The following TRMT2B variants were observed in gnomAD, a reference collection of about 807,000 sequenced individuals.
The protein encoded by TRMT2B is tRNA (uracil-5-)-methyltransferase homolog B.
In TRMT2B, 34 loss-of-function variants were observed where a neutral mutation model predicts 39.7. That is an observed-to-expected ratio of 0.86 (90% CI 0.65 to 1.14). TRMT2B has a LOEUF of 1.14. Ranked by LOEUF, TRMT2B falls within the 50% of genes most tolerant of loss-of-function variation. The probability of loss-of-function intolerance (pLI) is 0.00; values close to 1 mark genes in which losing one functional copy is unlikely to be tolerated. For missense variants in TRMT2B, 318 were observed against 377.2 expected (o/e 0.84, Z 1.30); for synonymous variants, 132 against 137.3 (o/e 0.96, Z 0.27).
intron 7 of TRMT2B, among the ~76,000 whole-genome samples, chrX:101,032,981 C>A (rs62602400): frequency 0.2 from 22,188 of 109,923 alleles, 1,812 homozygotes; most frequent in African/African-American, 0.25. Context: ...GGCGGCCAGG[C>A]ACGGTGGCTC....
the TRMT2B span, chrX:100,985,804 C>T: frequency 8.3e-7 from 1 of 1,211,640 alleles, no homozygotes; most frequent in Non-Finnish European, 1.1e-6. Context: ...TGCACAGGCC[C>T]ATGGGCTTGT....
Position 101,037,918 on chromosome X carries a change from G to A in TRMT2B, c.437C>T (p.Ser146Phe). Reference protein sequence around the residue: ...LSCLLHPIIPSPVINGYRNKS... With the variant: ...LSCLLHPIIPFPVINGYRNKS... ...AGGAATAGGGAGGTGGGGGCTTACA[G>A]AGGGTATAATAGGATGGAGAAGACA... is the stretch of plus-strand genomic sequence containing the variant. Residue 146 changes from serine (S) to phenylalanine (F), a missense_variant and splice_region_variant, in exon 5 of 14, where the codon TCT becomes TTT. By Grantham distance (155) the Ser-to-Phe change is radical. Transcript: ENST00000372936. 8.3e-7 allele frequency: 1 copy of A among 1,209,687 alleles called. No individual in the cohort carries two copies. The highest frequency in any genetic ancestry group is 3.0e-5 in the East Asian group (1 of 33,762).
At chrX:101,042,422 A>G in intron 2 of TRMT2B, 110 bp from the exon 3 acceptor site, 1 of 821,925 alleles carries the variant, frequency 1.2e-6, no homozygotes, top group Non-Finnish European at 1.7e-6. Context: ...GAATGCTGGC[A>G]CACAGCAGAC....
Position 101,051,407 on chromosome X carries a change from C to G in TRMT2B, c.-180G>C. The G allele has an allele frequency of 4.0e-6, 3 of 754,556 alleles. No homozygotes were observed. The highest frequency in any genetic ancestry group is 4.7e-6 in the Non-Finnish European group (3 of 639,460). 62.2% of individuals were successfully genotyped at this position (754,556 alleles called of 1,213,427 possible). A position where few individuals can be genotyped will look rare whatever the true frequency, so the allele number is the denominator to read the frequency against. ...AAATGGGTTGACTGCTGTGTCGTGT[C>G]CCGAATGCAGCCCACAGGCAGTCAG... On this transcript the variant is annotated 5_prime_UTR_variant, in exon 2 of 14. Transcript: ENST00000372936.
chrX:101,024,923 G>C (rs2086988483), intron 7 of TRMT2B, among the ~76,000 whole-genome samples: 1 of 109,127 alleles, frequency 9.2e-6, no homozygotes, highest in Admixed American at 9.9e-5. Context: ...CCTGAGCCCA[G>C]GTGGTCAAGG....
In TRMT2B at chrX:101,037,278, C is replaced by G. The variant is rs1602635622; in HGVS notation, c.439-205G>C. 7.3e-6 allele frequency: 3 copies of G among 413,016 alleles called. No individual in the cohort carries two copies. In the East Asian group the frequency reaches 1.2e-4, roughly 17 times the overall value. The allele number at this position is 413,016 out of a possible 1,213,427, so 34.0% of individuals were successfully genotyped here. ...AATCTTGCCATAAAGCAGGAGTCAA[C>G]AAACTACTTATGTCAAGAGCCAAAG... On this transcript the variant is annotated intron_variant, in intron 5 of 13. Transcript: ENST00000372936.
intron 7 of TRMT2B, among the ~76,000 whole-genome samples, chrX:101,026,120 T>C (rs2087069390): frequency 9.0e-6 from 1 of 110,929 alleles, no homozygotes; most frequent in Admixed American, 9.7e-5. Context: ...AAATTCTGAC[T>C]AGTTCAACTG....
intron 13 of TRMT2B, among the ~76,000 whole-genome samples, chrX:101,015,895 C>T (rs1242743840): frequency 1.8e-5 from 2 of 110,731 alleles, no homozygotes; most frequent in Non-Finnish European, 3.8e-5. Flanking sequence ...CATGGTGAAA[C>T]CCTGTCTCTA....
At chrX:101,037,651 A>T in intron 5 of TRMT2B, 2 of 278,029 alleles carry the variant, frequency 7.2e-6, no homozygotes, top group Non-Finnish European at 1.3e-5. Context: ...TCTCTATCAG[A>T]TAGACCTGAG....
At chrX:101,003,230 A>C in the TRMT2B span, among the ~76,000 whole-genome samples, 1 of 109,749 alleles carries the variant, frequency 9.1e-6, no homozygotes, top group Non-Finnish European at 1.9e-5. Context: ...TAAATTAAAA[A>C]ATTAAAAAAT....
intron 13 of TRMT2B, among the ~76,000 whole-genome samples, chrX:101,011,612 G>A (rs1245157433): frequency 9.0e-6 from 1 of 111,055 alleles, no homozygotes; most frequent in Non-Finnish European, 1.9e-5. Context: ...ATAAAATAAG[G>A]TCCGGGCATG....
intron 2 of TRMT2B, among the ~76,000 whole-genome samples, chrX:101,044,860 A>AAAG (rs2088522424): frequency 1.9e-5 from 2 of 105,193 alleles, no homozygotes; most frequent in Non-Finnish European, 3.9e-5. Flanking sequence ...AAAAAAAAAA[A>AAAG]ACCCTACAAA....
chrX:101,036,999 C>T lies in TRMT2B; in HGVS notation c.513G>A (p.Val171=). The change falls in exon 6 of 14, where the codon GTG becomes GTA. Residue 171 remains valine, a synonymous_variant. Transcript: ENST00000372936. ...CTCTCCAAGTTCCCAGGTAGAACCC[C>T]ACAGTCTTTGGATTGCCATCTGGAC... is the stretch of plus-strand genomic sequence containing the variant. The part of the protein sequence containing the change: ...NRGPDGNPKT[V]GFYLGTWRDG... 8.3e-7 allele frequency: 1 copy of T among 1,211,025 alleles called. No homozygotes were observed. Among genetic ancestry groups the T allele is most frequent in the Non-Finnish European group, 1.1e-6 (1 of 894,863 alleles).
chrX:100,997,711 T>C, the TRMT2B span, among the ~76,000 whole-genome samples: 1 of 112,042 alleles, frequency 8.9e-6, no homozygotes, highest in Non-Finnish European at 1.9e-5. Context: ...ACATTAGCAC[T>C]TCTCGCAGTA....
downstream of TRMT2B, among the ~76,000 whole-genome samples, chrX:101,006,889 A>T (rs770079663): frequency 8.9e-5 from 10 of 111,749 alleles, no homozygotes; most frequent in Non-Finnish European, 1.5e-4. Flanking sequence ...AGGTACATAC[A>T]CTGGTTTTTT....
chrX:101,048,119 C>T (rs1298615175), intron 2 of TRMT2B, among the ~76,000 whole-genome samples: 1 of 66,122 alleles, frequency 1.5e-5, no homozygotes, highest in African/African-American at 6.9e-5. Context: ...CACATACACA[C>T]ACACACACAC....
At chrX:101,015,183 A>G (rs781449702) in intron 13 of TRMT2B, among the ~76,000 whole-genome samples, 1 of 111,639 alleles carries the variant, frequency 9.0e-6, no homozygotes, top group East Asian at 2.8e-4. Context: ...GAGTATTTCA[A>G]CTTTTCCTGT....
chrX:101,010,620 G>A lies in TRMT2B; in HGVS notation c.1476C>T (p.His492=), dbSNP rs1374607708. ...QQAVPVDLFP[H]TPHCELVLLF... ...GGAGCACCAGCTCACAATGTGGGGT[G>A]TGAGGGAACAAATCCACAGGTACAG... Residue 492 remains histidine (H), a synonymous_variant, in exon 14 of 14, where the codon CAC becomes CAT. Coordinates refer to ENST00000372936, the MANE Select transcript of TRMT2B (RefSeq NM_024917.6). 2 of 1,211,445 alleles carry A rather than the reference G, an allele frequency of 1.7e-6. No homozygotes were observed. Among genetic ancestry groups the A allele is most frequent in the South Asian group, 1.8e-5 (1 of 56,975 alleles).
rs979072697 is a variant in TRMT2B, at chrX:101,028,401, G to C, written c.610-4785C>G. On this transcript the variant is annotated intron_variant, in intron 7 of 13. Transcript: ENST00000372936. Reference sequence around the variant, plus strand: ...CCCAAAGTGCTGGAATTACAGGCGTGAGCCACTGCGCCCAGCCACTTCTCT... The same window carrying C: ...CCCAAAGTGCTGGAATTACAGGCGTCAGCCACTGCGCCCAGCCACTTCTCT... Among the ~76,000 whole-genome samples the C allele has an allele frequency of 2.7e-5, 3 of 110,993 alleles. No homozygotes were observed. The Admixed American group carries it at 2.9e-4, about 11-fold the overall frequency.
Sources: gnomAD v4.1 joint callset for allele counts (sites outside exome capture counted in the v4.1 genomes callset) on GRCh38, gnomAD v4.1.1 for gene constraint, MANE v1.5 for transcripts, NCBI Gene and HGNC (gene_info 2026-07-23, HGNC 2026-07-21) for gene names.